CSMD3: variants seen among roughly 807,000 people sequenced by gnomAD.
CSMD3 encodes the protein CUB and Sushi multiple domains 3.
In CSMD3, 177 loss-of-function variants were observed where a neutral mutation model predicts 435.2. The observed-to-expected ratio is 0.41, with a 90% CI of 0.36 to 0.46. The LOEUF (loss-of-function observed/expected upper bound fraction) is 0.46, where lower values mean the gene tolerates loss of function less well. Among genes scored for constraint, CSMD3 ranks in the 20% least tolerant of loss-of-function variants. The probability of loss-of-function intolerance (pLI) is 0.34; values close to 1 mark genes in which losing one functional copy is unlikely to be tolerated. For synonymous variants in CSMD3, 1,656 were observed against 1,520.5 expected (o/e 1.09, Z -2.07); for missense variants, 4,265 against 4,504.6 (o/e 0.95, Z 1.52).
rs188062048 is a variant in CSMD3 at position 113,347,896 on chromosome 8, A to T, written c.179-33103T>A. 3.5e-4 allele frequency among the ~76,000 whole-genome samples: 54 copies of T among 152,264 alleles called. No individual in the cohort carries two copies. In the East Asian group the frequency reaches 7.4e-3, roughly 21 times the overall value. ...GTATCTGAGAGCCCAAAGCTGGGCT[A>T]AAGTTGGCAAAGGCGAGATAATTAT... On this transcript the variant is annotated intron_variant, in intron 1 of 70. Transcript: ENST00000297405.
In CSMD3 at chr8:113,161,386, G is replaced by C. The variant is rs902166018; in HGVS notation, c.709+12336C>G. On this transcript the variant is annotated intron_variant, in intron 4 of 70. Transcript: ENST00000297405. ...TTAAATCTCTACTAGCTTTAGTCTG[G>C]ATACAAGAAAGGATGAAAATCATAA... Among the ~76,000 whole-genome samples, 5 of 152,054 alleles carry C rather than the reference G, an allele frequency of 3.3e-5. 1 individual carries two copies. The highest frequency in any genetic ancestry group is 6.6e-5 in the Admixed American group (1 of 15,258).
chr8:113,053,437 A>G (rs1220953535), intron 5 of CSMD3, among the ~76,000 whole-genome samples: 1 of 152,050 alleles, frequency 6.6e-6, no homozygotes, highest in African/African-American at 2.4e-5. Flanking sequence ...ATGTTTTTAT[A>G]AACATATATA....
chr8:113,361,968 T>C (rs985422295), intron 1 of CSMD3, among the ~76,000 whole-genome samples: 3 of 152,130 alleles, frequency 2.0e-5, no homozygotes, highest in Non-Finnish European at 2.9e-5. Flanking sequence ...AAAAGAAAAA[T>C]GAGGCAGATT....
intron 3 of CSMD3, among the ~76,000 whole-genome samples, chr8:113,215,408 T>G (rs1413040572): frequency 6.6e-6 from 1 of 151,922 alleles, no homozygotes; most frequent in East Asian, 1.9e-4. Flanking sequence ...AGATTTAACC[T>G]TTCTTAGGCT....
intron 9 of CSMD3, among the ~76,000 whole-genome samples, chr8:112,928,678 A>G (rs2082993460): frequency 6.7e-6 from 1 of 149,572 alleles, no homozygotes; most frequent in African/African-American, 2.5e-5. Flanking sequence ...TTCTTAATCC[A>G]GTCTATCATT....
At chr8:112,790,248 T>C (rs2078653150) in intron 13 of CSMD3, among the ~76,000 whole-genome samples, 1 of 152,026 alleles carries the variant, frequency 6.6e-6, no homozygotes. Context: ...AAAACATTTT[T>C]TAAACCTGAC....
At chr8:112,646,970 T>G (rs746143115) in intron 19 of CSMD3, among the ~76,000 whole-genome samples, 10 of 152,026 alleles carry the variant, frequency 6.6e-5, no homozygotes, top group Non-Finnish European at 1.5e-4. Context: ...AAAACGTAGC[T>G]GGCACTATTC....
chr8:113,309,740 T>C (rs2093852859), intron 2 of CSMD3: 1 of 152,214 alleles, frequency 6.6e-6, no homozygotes, highest in Admixed American at 6.5e-5. Flanking sequence ...TATTTACCTA[T>C]CAAAATATCC....
chr8:112,375,498 G>T (rs1470707605), intron 38 of CSMD3, among the ~76,000 whole-genome samples: 1 of 152,002 alleles, frequency 6.6e-6, no homozygotes, highest in East Asian at 1.9e-4. Context: ...AGTCAAACTT[G>T]CAATTCTCTG....
intron 32 of CSMD3, among the ~76,000 whole-genome samples, chr8:112,442,214 A>G (rs957867107): frequency 2.6e-5 from 4 of 152,124 alleles, no homozygotes; most frequent in African/African-American, 9.7e-5. Context: ...TAACTCATTC[A>G]TTACTGAGGA....
intron 5 of CSMD3, among the ~76,000 whole-genome samples, chr8:113,030,431 A>AAG: frequency 6.7e-6 from 1 of 149,060 alleles, no homozygotes; most frequent in South Asian, 2.1e-4. Flanking sequence ...AAAAAAAAAA[A>AAG]AAAAAAAAAA....
chr8:113,366,809 A>G (rs111799291), intron 1 of CSMD3, among the ~76,000 whole-genome samples: 2 of 152,090 alleles, frequency 1.3e-5, no homozygotes, highest in African/African-American at 4.8e-5. Flanking sequence ...TATCAACTGT[A>G]TCTTGGGATA....
intron 4 of CSMD3, among the ~76,000 whole-genome samples, chr8:113,152,756 A>T (rs1236988044): frequency 1.3e-5 from 2 of 151,820 alleles, no homozygotes; most frequent in African/African-American, 4.8e-5. Flanking sequence ...AATTGAGTGG[A>T]TTGCTTGAGG....
chr8:112,978,477 C>A lies in CSMD3; in HGVS notation c.1031-2329G>T, dbSNP rs149192815. On this transcript the variant is annotated intron_variant, in intron 6 of 70. Transcript: ENST00000297405. ...CTCAGGGGAGAAACACAGTTCCAGA[C>A]CAAATTTTGGAGTTAGAACTGATCT... Among the ~76,000 whole-genome samples, 507 of 152,026 alleles carry A rather than the reference C, an allele frequency of 3.3e-3. 3 individuals carry two copies. Among genetic ancestry groups the A allele is most frequent in the African/African-American group, 0.011 (437 of 41,516 alleles).
intron 13 of CSMD3, among the ~76,000 whole-genome samples, chr8:112,743,331 A>G (rs2077355420): frequency 6.6e-6 from 1 of 151,908 alleles, no homozygotes; most frequent in Non-Finnish European, 1.5e-5. Context: ...AAGAAGACAT[A>G]TGAGCAATGA....
At chr8:112,741,814 T>TAGAC (rs1563915621) in intron 13 of CSMD3, among the ~76,000 whole-genome samples, 1 of 151,664 alleles carries the variant, frequency 6.6e-6, no homozygotes, top group African/African-American at 2.4e-5. Flanking sequence ...GATAGATAGA[T>TAGAC]AGATAGATAG....
chr8:112,512,221 A>G (rs1454645557), intron 28 of CSMD3, among the ~76,000 whole-genome samples: 1 of 152,214 alleles, frequency 6.6e-6, no homozygotes, highest in Non-Finnish European at 1.5e-5. Context: ...GAAGGTTTTC[A>G]ATTTACTTTG....
intron 3 of CSMD3, among the ~76,000 whole-genome samples, chr8:113,227,840 G>A (rs948743147): frequency 2.0e-5 from 3 of 151,462 alleles, no homozygotes; most frequent in Admixed American, 6.6e-5. Flanking sequence ...AAAATGCACC[G>A]ATACAATACA....
At chr8:113,435,392 CA>C (rs1432724581) in intron 1 of CSMD3, among the ~76,000 whole-genome samples, 1 of 152,164 alleles carries the variant, frequency 6.6e-6, no homozygotes, top group Non-Finnish European at 1.5e-5. Flanking sequence ...GTAACCTCTC[CA>C]GCTCCCTCCT....
Sources: gnomAD v4.1 joint callset for allele counts (sites outside exome capture counted in the v4.1 genomes callset) on GRCh38, gnomAD v4.1.1 for gene constraint, MANE v1.5 for transcripts, NCBI Gene and HGNC (gene_info 2026-07-23, HGNC 2026-07-21) for gene names.